PLPP4: variants seen among roughly 807,000 people sequenced by gnomAD.
PLPP4 encodes phospholipid phosphatase 4.
PLPP4 carries 20 observed loss-of-function variants against 32.2 expected under a neutral mutation model. The ratio of observed to expected loss-of-function variants is 0.62; its 90% confidence interval spans 0.44 to 0.90. PLPP4 has a LOEUF of 0.90. PLPP4 is among the 40% of genes least tolerant of loss of function. PLPP4 has a pLI of 0.00. For missense variants in PLPP4, 257 were observed against 353.1 expected (o/e 0.73, Z 2.18); for synonymous variants, 127 against 133.0 (o/e 0.95, Z 0.31).
At chr10:120,554,648 A>C (rs1169455489) in intron 5 of PLPP4, among the ~76,000 whole-genome samples, 2 of 104,672 alleles carry the variant, frequency 1.9e-5, no homozygotes, top group South Asian at 4.1e-4. Context: ...ACAGTTCTGC[A>C]GGCTGTACAG....
chr10:120,553,529 A>G (rs900205444), intron 5 of PLPP4, among the ~76,000 whole-genome samples: 1 of 152,248 alleles, frequency 6.6e-6, no homozygotes, highest in Non-Finnish European at 1.5e-5. Context: ...TGTTGTTTAT[A>G]AAGTACCCAG....
intron 1 of PLPP4, among the ~76,000 whole-genome samples, chr10:120,492,268 T>C (rs908256863): frequency 6.6e-6 from 1 of 152,252 alleles, no homozygotes; most frequent in Non-Finnish European, 1.5e-5. Context: ...TTCTGTTGTT[T>C]ACTCCCAAAG....
chr10:120,580,115 C>CAAAAA (rs10609637), intron 6 of PLPP4, among the ~76,000 whole-genome samples: 1 of 91,566 alleles, frequency 1.1e-5, no homozygotes, highest in Non-Finnish European at 2.2e-5. Flanking sequence ...GCGAGACTCT[C>CAAAAA]AAAAAAAAAA....
chr10:120,540,687 G>A (rs962860581), intron 5 of PLPP4, among the ~76,000 whole-genome samples: 2 of 152,192 alleles, frequency 1.3e-5, no homozygotes, highest in African/African-American at 2.4e-5. Context: ...GACAGCAATG[G>A]ACATTAAACA....
chr10:120,564,568 T>A (rs1848600215), intron 5 of PLPP4, among the ~76,000 whole-genome samples: 2 of 151,952 alleles, frequency 1.3e-5, no homozygotes, highest in African/African-American at 4.8e-5. Context: ...AGATGTGAAT[T>A]AAAATTTTCC....
At chr10:120,554,819 C>T (rs1223417247) in intron 5 of PLPP4, among the ~76,000 whole-genome samples, 1 of 152,146 alleles carries the variant, frequency 6.6e-6, no homozygotes, top group African/African-American at 2.4e-5. Flanking sequence ...ATCATGAGAA[C>T]AGCAAGGGGG....
intron 6 of PLPP4, among the ~76,000 whole-genome samples, chr10:120,576,308 T>A (rs1849221262): frequency 6.6e-6 from 1 of 152,254 alleles, no homozygotes; most frequent in Admixed American, 6.5e-5. Context: ...TTTCTTGTTT[T>A]CCGACTGTTG....
At chr10:120,482,476 G>A (rs1844253053) in intron 1 of PLPP4, among the ~76,000 whole-genome samples, 1 of 152,120 alleles carries the variant, frequency 6.6e-6, no homozygotes, top group African/African-American at 2.4e-5. Context: ...TGATTTTAGA[G>A]TACATGGTGG....
At chr10:120,546,305 C>T (rs1219597747) in intron 5 of PLPP4, among the ~76,000 whole-genome samples, 1 of 152,116 alleles carries the variant, frequency 6.6e-6, no homozygotes, top group African/African-American at 2.4e-5. Context: ...GGAAAATGGA[C>T]CTGCATTCTA....
chr10:120,481,635 C>T (rs553872696), intron 1 of PLPP4, among the ~76,000 whole-genome samples: 5 of 152,294 alleles, frequency 3.3e-5, no homozygotes, highest in African/African-American at 1.2e-4. Flanking sequence ...GTCTGGTGCT[C>T]TGTGACCTCA....
chr10:120,513,767 T>C lies in PLPP4; in HGVS notation c.166-144T>C, dbSNP rs1484113316. On this transcript the variant is annotated intron_variant, in intron 2 of 6. Coordinates refer to ENST00000398250, the MANE Select transcript of PLPP4 (RefSeq NM_001030059.3). ...CTAAACACAGACATACATCATCCTTTTTTTTTTGTTTGTTTGAGGTCAGGA... is the reference window on the plus strand; with the variant it reads ...CTAAACACAGACATACATCATCCTTCTTTTTTTGTTTGTTTGAGGTCAGGA... 6 of 700,304 alleles carry C rather than the reference T, an allele frequency of 8.6e-6. No individual in the cohort carries two copies. In the East Asian group the frequency reaches 1.6e-4, roughly 18 times the overall value. The allele number at this position is 700,304 out of a possible 1,614,324, so 43.4% of individuals were successfully genotyped here.
chr10:120,487,858 G>A (rs1202682662), intron 1 of PLPP4, among the ~76,000 whole-genome samples: 1 of 152,236 alleles, frequency 6.6e-6, no homozygotes, highest in East Asian at 1.9e-4. Flanking sequence ...GAACGTGAAT[G>A]TCCTGGCTTC....
chr10:120,493,144 G>T lies in PLPP4; in HGVS notation c.57-10674G>T, dbSNP rs187461671. On this transcript the variant is annotated intron_variant, in intron 1 of 6. Transcript: ENST00000398250. ...CAGTGTTTCTTTTTAATAGCTTTTG[G>T]TTTGTTTTGACCCAAGACCTGGTCA... 1.4e-3 allele frequency among the ~76,000 whole-genome samples: 218 copies of T among 152,196 alleles called. 1 individual carries two copies. Among genetic ancestry groups the T allele is most frequent in the Admixed American group, 2.8e-3 (43 of 15,304 alleles).
chr10:120,493,417 G>A (rs1844807387), intron 1 of PLPP4, among the ~76,000 whole-genome samples: 1 of 152,182 alleles, frequency 6.6e-6, no homozygotes, highest in Admixed American at 6.5e-5. Context: ...GAAAGGGTCT[G>A]TGGTTCCAGT....
At chr10:120,550,108 G>A (rs762658224) in intron 5 of PLPP4, among the ~76,000 whole-genome samples, 3 of 151,860 alleles carry the variant, frequency 2.0e-5, no homozygotes, top group Non-Finnish European at 4.4e-5. Flanking sequence ...TAGAATAAGT[G>A]AATTTTGCAA....
intron 5 of PLPP4, among the ~76,000 whole-genome samples, chr10:120,531,681 G>A (rs1846729467): frequency 6.6e-6 from 1 of 151,966 alleles, no homozygotes; most frequent in Non-Finnish European, 1.5e-5. Context: ...TTGTTGAGAT[G>A]ACTTTCCTTT....
chr10:120,547,109 T>C (rs1184246225), intron 5 of PLPP4, among the ~76,000 whole-genome samples: 73 of 152,152 alleles, frequency 4.8e-4, no homozygotes, highest in Admixed American at 4.6e-3. Context: ...TTTTAATCTT[T>C]AAGAATGATG....
At chr10:120,575,073 A>C (rs1849150946) in intron 5 of PLPP4, 58 bp from the exon 6 acceptor site, 2 of 1,560,264 alleles carry the variant, frequency 1.3e-6, no homozygotes, top group Non-Finnish European at 8.7e-7. Context: ...CCCAGCACGC[A>C]CTGAGTCCCT....
chr10:120,549,815 C>T (rs1847805337), intron 5 of PLPP4, among the ~76,000 whole-genome samples: 2 of 151,854 alleles, frequency 1.3e-5, no homozygotes, highest in South Asian at 2.1e-4. Context: ...TGTCATTAAC[C>T]TAGGAATAGA....
Sources: gnomAD v4.1 joint callset for allele counts (sites outside exome capture counted in the v4.1 genomes callset) on GRCh38, gnomAD v4.1.1 for gene constraint, MANE v1.5 for transcripts, NCBI Gene and HGNC (gene_info 2026-07-23, HGNC 2026-07-21) for gene names.